Variants in DPF3 observed in about 807,000 individuals in gnomAD.
The protein encoded by DPF3 is zinc finger protein DPF3.
DPF3 carries 18 observed loss-of-function variants against 56.8 expected under a neutral mutation model. That is an observed-to-expected ratio of 0.32 (90% CI 0.22 to 0.47). The LOEUF (loss-of-function observed/expected upper bound fraction) is 0.47. Among genes scored for constraint, DPF3 ranks in the 20% least tolerant of loss-of-function variants. The probability of loss-of-function intolerance (pLI) is 1.00; values close to 1 mark genes in which losing one functional copy is unlikely to be tolerated. For missense variants in DPF3, 403 were observed against 488.8 expected, an observed-to-expected ratio of 0.82 and a Z score of 1.65; for synonymous variants, 188 against 180.2, an observed-to-expected ratio of 1.04 and a Z score of -0.35.
intron 2 of DPF3, among the ~76,000 whole-genome samples, chr14:72,769,842 T>C (rs997455162): frequency 2.6e-5 from 4 of 152,140 alleles, no homozygotes; most frequent in African/African-American, 9.7e-5. Flanking sequence ...ATAATTATTA[T>C]TATATTGATC....
intron 1 of DPF3, among the ~76,000 whole-genome samples, chr14:72,783,179 C>T (rs1376951340): frequency 1.3e-5 from 2 of 151,988 alleles, no homozygotes; most frequent in Non-Finnish European, 2.9e-5. Context: ...CTGGAAGTAG[C>T]CCACCCCACC....
At position 72,894,099 on chromosome 14, in the gene DPF3, T is replaced by G. The variant is rs760133909; in HGVS notation, c.-11A>C. 1.1e-5 allele frequency: 17 copies of G among 1,489,452 alleles called. No homozygotes were observed. Among genetic ancestry groups the G allele is most frequent in the Non-Finnish European group, 1.3e-5 (15 of 1,128,526 alleles). 92.3% of individuals were successfully genotyped at this position (1,489,452 alleles called of 1,614,324 possible). A position where few individuals can be genotyped will look rare whatever the true frequency, so the allele number is the denominator to read the frequency against. ...AATGACAGTCGCCATTTTGCTACAATGTAACAGAATATTGTCTCAGAGTTC... is the reference window on the plus strand; with the variant it reads ...AATGACAGTCGCCATTTTGCTACAAGGTAACAGAATATTGTCTCAGAGTTC... On this transcript the variant is annotated 5_prime_UTR_variant, in exon 1 of 11. Transcript: ENST00000556509.
intron 1 of DPF3, among the ~76,000 whole-genome samples, chr14:72,800,601 AATGAATGCATGCATGCACAG>A (rs1308601196): frequency 1.3e-5 from 2 of 150,256 alleles, no homozygotes; most frequent in African/African-American, 4.9e-5. Context: ...TGTGTGCATG[AATGAATGCATGCATGCACAG>A]ATGGATGCAT....
intron 6 of DPF3, among the ~76,000 whole-genome samples, chr14:72,697,937 A>G (rs368873673): frequency 6.6e-6 from 1 of 152,128 alleles, no homozygotes; most frequent in African/African-American, 2.4e-5. Flanking sequence ...GCCTCCACAC[A>G]GCCCTTCTGC....
intron 8 of DPF3, among the ~76,000 whole-genome samples, chr14:72,651,769 C>G (rs918784335): frequency 9.2e-5 from 14 of 152,150 alleles, no homozygotes; most frequent in African/African-American, 2.9e-4. Flanking sequence ...CTTTTTTGCT[C>G]TCCTCCTGAC....
intron 1 of DPF3, among the ~76,000 whole-genome samples, chr14:72,779,610 T>C (rs940914596): frequency 6.6e-6 from 1 of 152,172 alleles, no homozygotes; most frequent in Non-Finnish European, 1.5e-5. Flanking sequence ...TTACTTACCC[T>C]CCCTGGGCCT....
chr14:72,753,258 A>G lies in DPF3; in HGVS notation c.301+6T>C. On this transcript the variant is annotated splice_donor_region_variant and intron_variant, in intron 3 of 10. Coordinates refer to ENST00000556509, the MANE Select transcript of DPF3 (RefSeq NM_001280542.3). ...CAGACCCAGCCAAGCTCCAGAGGGC[A>G]CTGACCAGGTTTTATCTCCAGCAGC... 1 of 1,613,198 alleles carries G rather than the reference A, an allele frequency of 6.2e-7. No homozygotes were observed.
chr14:72,795,118 A>G (rs2052141), intron 1 of DPF3, among the ~76,000 whole-genome samples: 103,487 of 151,498 alleles, frequency 0.68, 35,567 homozygotes, highest in East Asian at 0.79. Context: ...GGATTAGGAC[A>G]TGGACATCTT....
chr14:72,670,872 T>C (rs1233764161), intron 8 of DPF3: 1 of 1,195,418 alleles, frequency 8.4e-7, no homozygotes, highest in African/African-American at 1.6e-5. Context: ...GGAAAATAAA[T>C]AGCGCATCAC....
At chr14:72,629,450 G>A (rs1885038818) in intron 9 of DPF3, among the ~76,000 whole-genome samples, 174 bp downstream of exon 9, 1 of 152,236 alleles carries the variant, frequency 6.6e-6, no homozygotes, top group Non-Finnish European at 1.5e-5. Context: ...GCCATAAGCA[G>A]TGTTGACCAC....
At position 72,801,394 on chromosome 14, in the gene DPF3, G is replaced by A. The variant is rs78021507; in HGVS notation, c.33-29501C>T. Among the ~76,000 whole-genome samples the A allele has an allele frequency of 9.0e-3, 1,373 of 152,250 alleles. 15 individuals carry two copies. The highest frequency in any genetic ancestry group is 0.023 in the South Asian group (113 of 4,812). On this transcript the variant is annotated intron_variant, in intron 1 of 10. Coordinates refer to ENST00000556509, the MANE Select transcript of DPF3 (RefSeq NM_001280542.3). ...ATAGCAGCAATAGAGACCAGAGTCC[G>A]AGCCAGGACAAGGCCTGTCCCTCAG...
chr14:72,666,082 T>C (rs1049235920), intron 8 of DPF3, among the ~76,000 whole-genome samples: 10 of 152,218 alleles, frequency 6.6e-5, no homozygotes, highest in African/African-American at 2.4e-4. Flanking sequence ...CTATTTTGAA[T>C]AGGTGATCAG....
chr14:72,629,585 G>C (rs1490308134), intron 9 of DPF3, 39 bp downstream of exon 9: 1 of 1,510,996 alleles, frequency 6.6e-7, no homozygotes, highest in African/African-American at 1.4e-5. Flanking sequence ...CCCCAGCTCT[G>C]TGGATTTCTC....
chr14:72,616,624 A>G lies in DPF3; in HGVS notation c.*2673T>C, dbSNP rs1016069840. Among the ~76,000 whole-genome samples the G allele has an allele frequency of 7.2e-5, 11 of 152,172 alleles. No individual in the cohort carries two copies. The highest frequency in any genetic ancestry group is 2.2e-4 in the African/African-American group (9 of 41,442). On this transcript the variant is annotated 3_prime_UTR_variant, in exon 11 of 11. Coordinates refer to ENST00000556509, the MANE Select transcript of DPF3 (RefSeq NM_001280542.3). ...AGTGTCACTCTGGAATAGGCAGGGC[A>G]AGTGTTACTATCTCCACTTTCCAGG... is the stretch of plus-strand genomic sequence containing the variant.
intron 1 of DPF3, among the ~76,000 whole-genome samples, chr14:72,794,646 G>A (rs1182619401): frequency 2.4e-4 from 36 of 152,164 alleles, no homozygotes; most frequent in Non-Finnish European, 7.3e-5. Context: ...TTAGCAGGTT[G>A]GAACTTTGGG....
intron 3 of DPF3, among the ~76,000 whole-genome samples, chr14:72,752,420 T>C (rs1237517400): frequency 1.3e-5 from 2 of 152,192 alleles, no homozygotes; most frequent in Non-Finnish European, 2.9e-5. Context: ...CCCAGCACTT[T>C]GGGAAGCCAA....
intron 1 of DPF3, among the ~76,000 whole-genome samples, chr14:72,779,048 G>A (rs900647721): frequency 6.6e-6 from 1 of 152,136 alleles, no homozygotes; most frequent in African/African-American, 2.4e-5. Context: ...ATACCTGCCT[G>A]GCCTTCTTGC....
chr14:72,890,352 G>A (rs908091205), intron 1 of DPF3, among the ~76,000 whole-genome samples: 5 of 151,962 alleles, frequency 3.3e-5, no homozygotes, highest in Non-Finnish European at 2.9e-5. Flanking sequence ...TTAGCCAGGT[G>A]TAGTGGTGCG....
At position 72,752,205 on chromosome 14, in the gene DPF3, C is replaced by T. The variant is rs190064551; in HGVS notation, c.301+1059G>A. On this transcript the variant is annotated intron_variant, in intron 3 of 10. Transcript: ENST00000556509. ...AGTGGGAGGAAGTATGTCAACTCTACTTGCACCACTGAACAGCACTGTCCC... is the reference window on the plus strand; with the variant it reads ...AGTGGGAGGAAGTATGTCAACTCTATTTGCACCACTGAACAGCACTGTCCC... 5.9e-4 allele frequency among the ~76,000 whole-genome samples: 90 copies of T among 152,304 alleles called. No individual in the cohort carries two copies. In the Middle Eastern group the frequency reaches 0.01, roughly 17 times the overall value.
Sources: gnomAD v4.1 joint callset for allele counts (sites outside exome capture counted in the v4.1 genomes callset) on GRCh38, gnomAD v4.1.1 for gene constraint, MANE v1.5 for transcripts, NCBI Gene and HGNC (gene_info 2026-07-23, HGNC 2026-07-21) for gene names.